Variants in CENPT observed in about 807,000 individuals in gnomAD.
CENPT encodes centromere protein T, also known as interphase centromere complex protein 22.
Under a neutral mutation model 59.7 loss-of-function variants are expected in CENPT, and 42 were observed. That is an observed-to-expected ratio of 0.70 (90% CI 0.55 to 0.91). The LOEUF (loss-of-function observed/expected upper bound fraction) is 0.91, where lower values mean the gene tolerates loss of function less well. Ranked by LOEUF, CENPT falls within the 40% of genes least tolerant of loss-of-function variation. CENPT has a pLI of 0.00. For missense variants in CENPT, 716 were observed against 713.4 expected, an observed-to-expected ratio of 1.00 and a Z score of -0.04; for synonymous variants, 295 against 289.6, an observed-to-expected ratio of 1.02 and a Z score of -0.19.
chr16:67,838,452 T>C (rs1233639043), intron 1 of CENPT, among the ~76,000 whole-genome samples: 3 of 151,410 alleles, frequency 2.0e-5, no homozygotes, highest in Non-Finnish European at 4.4e-5. Context: ...TGAAACCTCA[T>C]CTTTACTAAA....
At chr16:67,834,667 T>A (rs1567371225) in intron 3 of CENPT, among the ~76,000 whole-genome samples, 1 of 152,174 alleles carries the variant, frequency 6.6e-6, no homozygotes, top group African/African-American at 2.4e-5. Flanking sequence ...CTATAGGGCC[T>A]ATCTCTATCA....
chr16:67,836,678 C>A (rs1439984451), intron 1 of CENPT, among the ~76,000 whole-genome samples: 1 of 151,640 alleles, frequency 6.6e-6, no homozygotes, highest in Non-Finnish European at 1.5e-5. Flanking sequence ...AATGGCGCAA[C>A]CTCTGCCTTC....
Position 67,834,022 on chromosome 16 carries a change from C to G in CENPT, c.-163G>C, listed in dbSNP as rs533417145. The G allele has an allele frequency of 2.0e-6, 1 of 509,046 alleles. No individual in the cohort carries two copies. Among genetic ancestry groups the G allele is most frequent in the Admixed American group, 4.3e-5 (1 of 23,260 alleles). The allele number at this position is 509,046 out of a possible 1,614,324, so 31.5% of individuals were successfully genotyped here. On this transcript the variant is annotated 5_prime_UTR_variant, in exon 4 of 16. Coordinates refer to ENST00000562787, the MANE Select transcript of CENPT (RefSeq NM_025082.4). ...GGTGGACAGTGATGGTTGCAAACTC[C>G]GGATGCTTTGGAGGCAGCCTCGCTG...
intron 4 of CENPT, among the ~76,000 whole-genome samples, chr16:67,833,088 T>A (rs996096166): frequency 6.6e-6 from 1 of 152,094 alleles, no homozygotes; most frequent in Admixed American, 6.6e-5. Context: ...AACTCCACTG[T>A]CCCAGTCTGG....
At position 67,828,773 on chromosome 16, in the gene CENPT, G is replaced by A. The variant is rs1246536640; in HGVS notation, c.1351C>T (p.Pro451Ser). The A allele has an allele frequency of 6.2e-7, 1 of 1,609,586 alleles. No homozygotes were observed. The highest frequency in any genetic ancestry group is 8.5e-7 in the Non-Finnish European group (1 of 1,178,824). The change falls in exon 14 of 16, where the codon CCC becomes TCC. Residue 451 changes from proline (P) to serine (S), a missense_variant. Transcript: ENST00000562787. ...PPRPRTTGPR[P>S]RQDPHKAGLS... Reference sequence around the variant, plus strand: ...CCAGCCTTGTGGGGATCTTGCCGGGGCCTGGGGCCGGTGGTCCGGGGCCTA... The same window carrying A: ...CCAGCCTTGTGGGGATCTTGCCGGGACCTGGGGCCGGTGGTCCGGGGCCTA...
chr16:67,834,795 T>C (rs2151286771), intron 3 of CENPT, among the ~76,000 whole-genome samples: 1 of 152,300 alleles, frequency 6.6e-6, no homozygotes, highest in African/African-American at 2.4e-5. Context: ...AAAAGTTCTA[T>C]TAATGTTTTC....
intron 1 of CENPT, chr16:67,841,572 T>C (rs977176398): frequency 6.6e-6 from 1 of 152,136 alleles, no homozygotes; most frequent in African/African-American, 2.4e-5. Flanking sequence ...GATTACTATT[T>C]GTGAGTAGAC....
At position 67,831,746 on chromosome 16, in the gene CENPT, G is replaced by A; in HGVS notation, c.523+8C>T. ...AGAGGGTAGCAAAAGTGGTGTCCAGGGCCTCACCTTGGGAGAGAGACAGCC... is the reference window on the plus strand; with the variant it reads ...AGAGGGTAGCAAAAGTGGTGTCCAGAGCCTCACCTTGGGAGAGAGACAGCC... On this transcript the variant is annotated splice_region_variant and intron_variant, in intron 8 of 15. Coordinates refer to ENST00000562787, the MANE Select transcript of CENPT (RefSeq NM_025082.4). The A allele has an allele frequency of 6.3e-7, 1 of 1,581,112 alleles. No homozygotes were observed.
At position 67,830,643 on chromosome 16, in the gene CENPT, A is replaced by C; in HGVS notation, c.704-95T>G. The stretch of plus-strand genomic sequence containing the variant: ...ATTCCAGGCCCACCGGCTGCTACTC[A>C]GCGTTGCCAGGGCCTGGACAGTGGG... On this transcript the variant is annotated intron_variant, in intron 10 of 15. Coordinates refer to ENST00000562787, the MANE Select transcript of CENPT (RefSeq NM_025082.4). 2.2e-6 allele frequency: 3 copies of C among 1,338,964 alleles called. No individual in the cohort carries two copies. The South Asian group carries it at 3.7e-5, about 17-fold the overall frequency. 82.9% of individuals were successfully genotyped at this position (1,338,964 alleles called of 1,614,324 possible). A position where few individuals can be genotyped will look rare whatever the true frequency, so the allele number is the denominator to read the frequency against.
In CENPT at chr16:67,833,726, T is replaced by C. The variant is rs369168265; in HGVS notation, c.110+24A>G. The C allele has an allele frequency of 1.3e-5, 18 of 1,427,096 alleles. No homozygotes were observed. In the East Asian group the frequency reaches 4.1e-4, roughly 33 times the overall value. 88.4% of individuals were successfully genotyped at this position (1,427,096 alleles called of 1,614,324 possible). ...TCCCCGGTCCCTCTAGTTGCTCAAG[T>C]ACTCGGGGAGCCCCCTCACATACCC... is the stretch of plus-strand genomic sequence containing the variant. On this transcript the variant is annotated intron_variant, in intron 4 of 15. Transcript: ENST00000562787.
chr16:67,838,691 G>A (rs2057745425), intron 1 of CENPT, among the ~76,000 whole-genome samples: 1 of 152,072 alleles, frequency 6.6e-6, no homozygotes, highest in South Asian at 2.1e-4. Flanking sequence ...ACTTTGGGAG[G>A]CTGAGGTGGG....
At chr16:67,833,635 G>T (rs1365604037) in intron 4 of CENPT, 115 bp downstream of exon 4, 2 of 599,564 alleles carry the variant, frequency 3.3e-6, no homozygotes, top group African/African-American at 3.9e-5. Flanking sequence ...CCCAGACCCT[G>T]CTCCTCTCTG....
In CENPT at chr16:67,829,897, C is replaced by T. The variant is rs1224723431; in HGVS notation, c.1054G>A (p.Ala352Thr). 6 of 1,614,124 alleles carry T rather than the reference C, an allele frequency of 3.7e-6. No individual in the cohort carries two copies. Among genetic ancestry groups the T allele is most frequent in the Middle Eastern group, 1.6e-4 (1 of 6,084 alleles). The change falls in exon 12 of 16, where the codon GCA becomes ACA. Residue 352 changes from alanine (A) to threonine (T), a missense_variant. Transcript: ENST00000562787. ...VSVSEMEATG[A>T]QGPSRVEEAE... ...TCTTCTACCCTGCTGGGTCCTTGTG[C>T]TCCTGTTGCCTCCATTTCACTCACA...
rs533198810 is a variant in CENPT, at chr16:67,828,529, C to G, written c.1507G>C (p.Ala503Pro). 2.5e-6 allele frequency: 4 copies of G among 1,614,228 alleles called. No individual in the cohort carries two copies. The South Asian group carries it at 4.4e-5, about 18-fold the overall frequency. ...TTCACAGTCTTGCGGCCAGCATGAG[C>G]AGCAAATACCTCCAGATCATCACAA... is the stretch of plus-strand genomic sequence containing the variant. ...HLCDDLEVFA[A>P]HAGRKTVKPE... The change falls in exon 15 of 16, where the codon GCT becomes CCT. Residue 503 changes from alanine (A) to proline (P), a missense_variant. Physicochemically the swap from Ala to Pro is conservative, Grantham distance 27. Coordinates refer to ENST00000562787, the MANE Select transcript of CENPT (RefSeq NM_025082.4).
chr16:67,841,075 G>T (rs1337652116), intron 1 of CENPT, among the ~76,000 whole-genome samples: 2 of 139,626 alleles, frequency 1.4e-5, no homozygotes, highest in Non-Finnish European at 3.0e-5. Context: ...TGCGCCTGTA[G>T]TCCCAGCTAC....
At chr16:67,830,922 C>T (rs976175223) in intron 10 of CENPT, 2 of 524,476 alleles carry the variant, frequency 3.8e-6, no homozygotes, top group African/African-American at 1.9e-5. Flanking sequence ...TTTGAATTGG[C>T]CAGCTGATCC....
In CENPT at chr16:67,835,817, A is replaced by G. The variant is rs142024231; in HGVS notation, c.-491-159T>C. 6.1e-3 allele frequency among the ~76,000 whole-genome samples: 921 copies of G among 151,080 alleles called. 7 individuals are homozygous for G. Among genetic ancestry groups the G allele is most frequent in the African/African-American group, 0.021 (852 of 41,242 alleles). On this transcript the variant is annotated intron_variant, in intron 1 of 15. Transcript: ENST00000562787. ...TTGCAGACATATTTCCATGGTTACT[A>G]CCTAAATGCAGTTTTTTTTTTGTTT...
At position 67,830,015 on chromosome 16, in the gene CENPT, G is replaced by A; in HGVS notation, c.936C>T (p.Ser312=). The A allele has an allele frequency of 6.2e-7, 1 of 1,614,200 alleles. No homozygotes were observed. The highest frequency in any genetic ancestry group is 2.2e-5 in the East Asian group (1 of 44,894). ...EVNAFALGFL[S]TSSGVSGEDE... is the part of the protein sequence containing the mutation. The stretch of plus-strand genomic sequence containing the variant: ...CTTCTCCAGAGACACCACTGCTGGT[G>A]CTCAGGAAGCCCAGAGCAAAGGCAT... The change falls in exon 12 of 16, where the codon AGC becomes AGT. Residue 312 remains serine, a synonymous_variant. Transcript: ENST00000562787.
intron 3 of CENPT, among the ~76,000 whole-genome samples, chr16:67,834,756 G>A (rs893055752): frequency 2.6e-5 from 4 of 152,152 alleles, no homozygotes; most frequent in Non-Finnish European, 5.9e-5. Context: ...CTCCAAACAC[G>A]AGCAATTTTG....
Sources: allele counts gnomAD v4.1 joint callset (sites outside exome capture counted in the v4.1 genomes callset), GRCh38; gene constraint gnomAD v4.1.1; transcripts MANE v1.5; gene names NCBI Gene and HGNC (gene_info 2026-07-23, HGNC 2026-07-21).